The following GPC6 variants were observed in gnomAD, a reference collection of about 807,000 sequenced individuals.
GPC6 encodes the protein glypican-6.
In GPC6, 14 loss-of-function variants were observed where a neutral mutation model predicts 55.2. The observed-to-expected ratio is 0.25, with a 90% confidence interval of 0.17 to 0.40. GPC6 has a LOEUF of 0.40. Among genes scored for constraint, GPC6 ranks in the 10% least tolerant of loss-of-function variants. The pLI is 1.00. For synonymous variants in GPC6, 278 were observed against 259.6 expected (o/e 1.07, Z -0.68); for missense variants, 641 against 708.5 (o/e 0.90, Z 1.08).
At chr13:93,261,925 T>TACACACAC (rs34841808) in intron 1 of GPC6, among the ~76,000 whole-genome samples, 74 of 144,614 alleles carry the variant, frequency 5.1e-4, no homozygotes, top group African/African-American at 1.3e-3. Context: ...TCTCTCCCTC[T>TACACACAC]ACACACACAC....
intron 4 of GPC6, among the ~76,000 whole-genome samples, chr13:94,251,514 C>G (rs2139037847): frequency 6.6e-6 from 1 of 150,688 alleles, no homozygotes; most frequent in South Asian, 2.1e-4. Flanking sequence ...TTGAGAAAGA[C>G]TATACAAAGC....
chr13:93,962,339 G>A lies in GPC6; in HGVS notation c.712-65390G>A, dbSNP rs74687637. Among the ~76,000 whole-genome samples, 1,488 of 152,104 alleles carry A rather than the reference G, an allele frequency of 9.8e-3. 17 individuals carry two copies. Among genetic ancestry groups the A allele is most frequent in the Middle Eastern group, 0.037 (11 of 294 alleles). ...AAATTAATTATTGATAAGAATGGTCGCATGAAAGGATACAGAAAGAGAGAT... is the reference window on the plus strand; with the variant it reads ...AAATTAATTATTGATAAGAATGGTCACATGAAAGGATACAGAAAGAGAGAT... On this transcript the variant is annotated intron_variant, in intron 3 of 8. Transcript: ENST00000377047.
chr13:93,961,495 G>A (rs2140383953), intron 3 of GPC6, among the ~76,000 whole-genome samples: 1 of 152,198 alleles, frequency 6.6e-6, no homozygotes, highest in Non-Finnish European at 1.5e-5. Context: ...TTTAAAAGTT[G>A]AAATATATTT....
intron 7 of GPC6, among the ~76,000 whole-genome samples, chr13:94,387,501 C>T (rs1294503011): frequency 6.6e-6 from 1 of 152,164 alleles, no homozygotes; most frequent in South Asian, 2.1e-4. Context: ...TAAAACAGTG[C>T]TTCTCAAACT....
intron 1 of GPC6, among the ~76,000 whole-genome samples, chr13:93,466,177 C>A (rs1333451836): frequency 6.6e-6 from 1 of 151,842 alleles, no homozygotes; most frequent in Non-Finnish European, 1.5e-5. Flanking sequence ...TGCTGATATA[C>A]TTTCTTGATG....
chr13:93,285,185 C>A (rs917287388), intron 1 of GPC6, among the ~76,000 whole-genome samples: 1 of 152,088 alleles, frequency 6.6e-6, no homozygotes, highest in African/African-American at 2.4e-5. Context: ...TGCAATAATG[C>A]GTGCTGTTGT....
At chr13:94,318,289 A>G (rs939012379) in intron 6 of GPC6, among the ~76,000 whole-genome samples, 1 of 152,086 alleles carries the variant, frequency 6.6e-6, no homozygotes, top group African/African-American at 2.4e-5. Flanking sequence ...GCTCCCCTTT[A>G]TCCATGGAGG....
At chr13:93,674,432 C>T (rs1168204286) in intron 2 of GPC6, among the ~76,000 whole-genome samples, 1 of 152,000 alleles carries the variant, frequency 6.6e-6, no homozygotes, top group Non-Finnish European at 1.5e-5. Context: ...CACTTTTTTT[C>T]TGATGAAATG....
At chr13:93,641,245 C>T (rs542719570) in intron 2 of GPC6, among the ~76,000 whole-genome samples, 1 of 149,398 alleles carries the variant, frequency 6.7e-6, no homozygotes, top group East Asian at 2.0e-4. Flanking sequence ...TCCCACACAC[C>T]CCACTTTTAG....
chr13:93,795,344 T>TC (rs1211042698), intron 2 of GPC6, among the ~76,000 whole-genome samples: 1 of 152,174 alleles, frequency 6.6e-6, no homozygotes, highest in Non-Finnish European at 1.5e-5. Context: ...ATCAAGACAA[T>TC]CCCAAGTCTA....
At chr13:94,160,523 A>G (rs1038030027) in intron 4 of GPC6, among the ~76,000 whole-genome samples, 3 of 152,254 alleles carry the variant, frequency 2.0e-5, no homozygotes, top group Non-Finnish European at 4.4e-5. Context: ...ACCACAGGAT[A>G]TTAAAGTGTG....
intron 2 of GPC6, among the ~76,000 whole-genome samples, chr13:93,648,260 A>G (rs1398509140): frequency 6.6e-6 from 1 of 152,174 alleles, no homozygotes; most frequent in South Asian, 2.1e-4. Flanking sequence ...TGGAGAACAC[A>G]TGGAAATCAC....
intron 4 of GPC6, among the ~76,000 whole-genome samples, chr13:94,120,198 G>A (rs1408752094): frequency 6.6e-6 from 1 of 151,946 alleles, no homozygotes; most frequent in Non-Finnish European, 1.5e-5. Context: ...GGGCTCATAA[G>A]CAGTAGACAT....
intron 1 of GPC6, among the ~76,000 whole-genome samples, chr13:93,510,913 G>A (rs1201757151): frequency 1.6e-5 from 2 of 125,782 alleles, no homozygotes; most frequent in African/African-American, 5.4e-5. Context: ...CAGTTTTTTT[G>A]TATACCTCTT....
intron 1 of GPC6, among the ~76,000 whole-genome samples, chr13:93,518,144 G>A (rs1881273916): frequency 6.6e-6 from 1 of 151,898 alleles, no homozygotes. Context: ...TCAGAGCACA[G>A]GAGCTCACAG....
rs961275842 is a variant in GPC6 at position 94,126,322 on chromosome 13, G to T, written c.877+98428G>T. 3.3e-5 allele frequency among the ~76,000 whole-genome samples: 5 copies of T among 152,178 alleles called. No individual in the cohort carries two copies. The South Asian group carries it at 6.2e-4, about 19-fold the overall frequency. ...CACTTGAGCTTAGGAGTTTGAGGCT[G>T]CAGTGAGCTCTGATCATGCAACTGT... On this transcript the variant is annotated intron_variant, in intron 4 of 8. Coordinates refer to ENST00000377047, the MANE Select transcript of GPC6 (RefSeq NM_005708.5).
intron 2 of GPC6, among the ~76,000 whole-genome samples, chr13:93,635,007 C>T (rs1041811982): frequency 1.3e-5 from 2 of 152,100 alleles, no homozygotes; most frequent in Admixed American, 6.5e-5. Flanking sequence ...TAGATCACCA[C>T]TAACTCAGTA....
intron 3 of GPC6, among the ~76,000 whole-genome samples, chr13:93,898,154 T>G (rs1340869878): frequency 6.6e-6 from 1 of 152,152 alleles, no homozygotes; most frequent in Non-Finnish European, 1.5e-5. Context: ...GACTGGCTTA[T>G]TGGATCATAT....
chr13:94,033,455 A>T (rs1479440761), intron 4 of GPC6, among the ~76,000 whole-genome samples: 1 of 152,180 alleles, frequency 6.6e-6, no homozygotes, highest in Admixed American at 6.5e-5. Flanking sequence ...GTTTGGGAAA[A>T]TGTTGCTAGA....
Sources: gnomAD v4.1 joint callset for allele counts (sites outside exome capture counted in the v4.1 genomes callset) on GRCh38, gnomAD v4.1.1 for gene constraint, MANE v1.5 for transcripts, NCBI Gene and HGNC (gene_info 2026-07-23, HGNC 2026-07-21) for gene names.